Variants in PARD3B observed in about 807,000 individuals in gnomAD.
PARD3B encodes the protein partitioning defective 3 homolog B.
PARD3B carries 103 observed loss-of-function variants against 130.2 expected under a neutral mutation model. The observed-to-expected ratio is 0.79, with a 90% CI of 0.67 to 0.93. PARD3B has a LOEUF of 0.93. PARD3B is among the 40% of genes least tolerant of loss of function. The probability of loss-of-function intolerance (pLI) is 0.00; values close to 1 mark genes in which losing one functional copy is unlikely to be tolerated. For synonymous variants in PARD3B, 583 were observed against 553.2 expected (o/e 1.05, Z -0.76); for missense variants, 1,609 against 1,499.2 (o/e 1.07, Z -1.21).
chr2:204,753,632 A>G (rs1054308060), intron 2 of PARD3B, among the ~76,000 whole-genome samples: 4 of 152,286 alleles, frequency 2.6e-5, no homozygotes, highest in Non-Finnish European at 4.4e-5. Context: ...TAACATCTCT[A>G]TGCCTCAATT....
At chr2:205,464,402 G>GAGAA in intron 20 of PARD3B, among the ~76,000 whole-genome samples, 1 of 152,012 alleles carries the variant, frequency 6.6e-6, no homozygotes, top group South Asian at 2.1e-4. Context: ...TCGTAGACTG[G>GAGAA]GTATTAATGT....
intron 2 of PARD3B, among the ~76,000 whole-genome samples, chr2:204,795,912 T>C (rs2042358178): frequency 6.6e-6 from 1 of 152,222 alleles, no homozygotes; most frequent in Non-Finnish European, 1.5e-5. Context: ...CCTGTCATTT[T>C]TGTCTTGTTG....
At chr2:204,781,333 C>CA (rs1249734612) in intron 2 of PARD3B, among the ~76,000 whole-genome samples, 4 of 151,732 alleles carry the variant, frequency 2.6e-5, no homozygotes, top group Non-Finnish European at 5.9e-5. Flanking sequence ...AATATTGGCA[C>CA]AAAAAAACAT....
At position 205,615,927 on chromosome 2, in the gene PARD3B, C is replaced by G. The variant is rs901870436; in HGVS notation, c.*114C>G. 4 of 890,186 alleles carry G rather than the reference C, an allele frequency of 4.5e-6. No individual in the cohort carries two copies. The South Asian group carries it at 5.2e-5, about 12-fold the overall frequency. 55.1% of individuals were successfully genotyped at this position (890,186 alleles called of 1,614,324 possible). On this transcript the variant is annotated 3_prime_UTR_variant, in exon 23 of 23. Coordinates refer to ENST00000406610, the MANE Select transcript of PARD3B (RefSeq NM_001302769.2). The stretch of plus-strand genomic sequence containing the variant: ...AGGAATTCTCCATGTTACTGATAAG[C>G]TTTTTCTCACTGACATTGTAACGCA...
rs2048448185 is a variant in PARD3B at position 205,461,380 on chromosome 2, T to A, written c.3044+20708T>A. 6.6e-6 allele frequency among the ~76,000 whole-genome samples: 1 copy of A among 152,194 alleles called. No homozygotes were observed. Among genetic ancestry groups the A allele is most frequent in the South Asian group, 2.1e-4 (1 of 4,834 alleles). The stretch of plus-strand genomic sequence containing the variant: ...AAGAGGATAAAGAGCAGAGGCTTAG[T>A]AAATGGATGAGTCAGTCTGCCTGGC... On this transcript the variant is annotated intron_variant, in intron 20 of 22. Coordinates refer to ENST00000406610, the MANE Select transcript of PARD3B (RefSeq NM_001302769.2). The surrounding 1 kb of genome is among the most constrained non-coding windows in gnomAD (Gnocchi z 4.3).
At chr2:205,381,558 T>C (rs2045450592) in intron 18 of PARD3B, among the ~76,000 whole-genome samples, 1 of 151,948 alleles carries the variant, frequency 6.6e-6, no homozygotes, top group South Asian at 2.1e-4. Context: ...CTCGTCATCT[T>C]TACCACTTGT....
intron 10 of PARD3B, among the ~76,000 whole-genome samples, chr2:205,145,823 CAAA>C (rs58133781): frequency 1.6e-5 from 2 of 126,744 alleles, no homozygotes; most frequent in Non-Finnish European, 1.7e-5. Flanking sequence ...TCCAAGAAGT[CAAA>C]AAAAAAAAAA....
intron 2 of PARD3B, among the ~76,000 whole-genome samples, chr2:204,937,427 T>C (rs17107): frequency 0.081 from 12,286 of 152,232 alleles, 606 homozygotes; most frequent in Non-Finnish European, 0.11. Flanking sequence ...TCTTGTTTGT[T>C]AGTTTAACAA....
At chr2:205,402,481 AG>A (rs2046285168) in intron 19 of PARD3B, among the ~76,000 whole-genome samples, 1 of 152,220 alleles carries the variant, frequency 6.6e-6, no homozygotes, top group African/African-American at 2.4e-5. Context: ...GCTGTTTTCT[AG>A]AATGCAGACT....
intron 1 of PARD3B, among the ~76,000 whole-genome samples, chr2:204,650,341 A>G (rs2035434522): frequency 6.6e-6 from 1 of 152,196 alleles, no homozygotes; most frequent in Non-Finnish European, 1.5e-5. Context: ...CAGTGTGGCA[A>G]TTCCTCAAAG....
chr2:204,818,614 ATG>A (rs1160947325), intron 2 of PARD3B, among the ~76,000 whole-genome samples: 1 of 152,176 alleles, frequency 6.6e-6, no homozygotes, highest in African/African-American at 2.4e-5. Context: ...ATAAAAAGAA[ATG>A]TGAGGAAAAT....
intron 21 of PARD3B, among the ~76,000 whole-genome samples, chr2:205,521,661 G>A (rs2051065839): frequency 6.6e-6 from 1 of 151,930 alleles, no homozygotes. Flanking sequence ...TGTCTGTTTT[G>A]TCCTTTAGAG....
At position 204,703,295 on chromosome 2, in the gene PARD3B, A is replaced by C. The variant is rs541918141; in HGVS notation, c.222+17013A>C. Among the ~76,000 whole-genome samples the C allele has an allele frequency of 2.8e-3, 421 of 152,326 alleles. 1 individual carries two copies. Among genetic ancestry groups the C allele is most frequent in the African/African-American group, 9.9e-3 (413 of 41,574 alleles). ...TTTCATGGTATTTTTCTGGAACTCT[A>C]CTGTCCCTGCACTTGCTCATTTATG... On this transcript the variant is annotated intron_variant, in intron 2 of 22. Coordinates refer to ENST00000406610, the MANE Select transcript of PARD3B (RefSeq NM_001302769.2).
At chr2:205,271,156 T>C (rs2040710228) in intron 16 of PARD3B, among the ~76,000 whole-genome samples, 1 of 152,058 alleles carries the variant, frequency 6.6e-6, no homozygotes, top group Admixed American at 6.6e-5. Flanking sequence ...TTTCTATATA[T>C]CCAAAAACAA....
intron 20 of PARD3B, among the ~76,000 whole-genome samples, chr2:205,490,574 G>A (rs775994915): frequency 1.3e-5 from 2 of 152,086 alleles, no homozygotes; most frequent in Non-Finnish European, 2.9e-5. Context: ...ATAAACATAC[G>A]TGTGCATGTG....
chr2:205,254,166 C>G (rs925341713), intron 16 of PARD3B, among the ~76,000 whole-genome samples: 4 of 148,606 alleles, frequency 2.7e-5, no homozygotes, highest in African/African-American at 1.0e-4. Context: ...TACCTACTTG[C>G]AAGACCTTTC....
At chr2:204,954,599 C>T (rs893189957) in intron 2 of PARD3B, among the ~76,000 whole-genome samples, 1 of 152,188 alleles carries the variant, frequency 6.6e-6, no homozygotes, top group African/African-American at 2.4e-5. Flanking sequence ...CGCTACCTTA[C>T]CTGGCCTTGG....
At chr2:205,399,583 G>C (rs1424575392) in intron 18 of PARD3B, among the ~76,000 whole-genome samples, 2 of 152,136 alleles carry the variant, frequency 1.3e-5, no homozygotes, top group African/African-American at 4.8e-5. Flanking sequence ...TTGAACTCCT[G>C]ACCTCAGGTG....
At chr2:204,885,073 G>C (rs2046223352) in intron 2 of PARD3B, among the ~76,000 whole-genome samples, 1 of 152,184 alleles carries the variant, frequency 6.6e-6, no homozygotes, top group African/African-American at 2.4e-5. Context: ...CACAATGGTT[G>C]AACTAATTTA....
Sources: gnomAD v4.1 joint callset for allele counts (sites outside exome capture counted in the v4.1 genomes callset) on GRCh38, gnomAD v4.1.1 for gene constraint, Gnocchi (gnomAD v3.1) non-coding constraint, MANE v1.5 for transcripts, NCBI Gene and HGNC (gene_info 2026-07-23, HGNC 2026-07-21) for gene names.